Variants in DAB1 observed in about 807,000 individuals in gnomAD.
The protein encoded by DAB1 is DAB adaptor protein 1.
In DAB1, 15 loss-of-function variants were observed where a neutral mutation model predicts 64.6. The ratio of observed to expected loss-of-function variants is 0.23; its 90% confidence interval spans 0.16 to 0.36. The LOEUF is 0.36. Ranked by LOEUF, DAB1 falls within the 10% of genes least tolerant of loss-of-function variation. DAB1 has a pLI of 1.00. For synonymous variants in DAB1, 235 were observed against 251.9 expected, an observed-to-expected ratio of 0.93 and a Z score of 0.64; for missense variants, 596 against 706.7, an observed-to-expected ratio of 0.84 and a Z score of 1.78.
intron 4 of DAB1, among the ~76,000 whole-genome samples, chr1:58,180,788 C>A (rs1288987061): frequency 6.6e-6 from 1 of 152,046 alleles, no homozygotes; most frequent in Non-Finnish European, 1.5e-5. Flanking sequence ...TCCCAAATTT[C>A]TTTCACTTGT....
intron 3 of DAB1, among the ~76,000 whole-genome samples, chr1:58,360,097 G>A (rs1330214424): frequency 6.6e-6 from 1 of 152,128 alleles, no homozygotes; most frequent in Non-Finnish European, 1.5e-5. Context: ...TTCCACCCCT[G>A]CCCTTGAAAA....
chr1:58,414,836 T>C (rs1402570563), intron 3 of DAB1, among the ~76,000 whole-genome samples: 1 of 151,936 alleles, frequency 6.6e-6, no homozygotes, highest in African/African-American at 2.4e-5. Flanking sequence ...TGCTATTCCA[T>C]GATATGGTAA....
intron 6 of DAB1, among the ~76,000 whole-genome samples, chr1:57,753,511 C>T (rs932616366): frequency 3.3e-5 from 5 of 152,176 alleles, no homozygotes; most frequent in African/African-American, 1.2e-4. Context: ...ATTTTGAAAT[C>T]TCTGTTTTCT....
chr1:57,025,329 C>G (rs1013314127), intron 10 of DAB1, among the ~76,000 whole-genome samples: 1 of 152,154 alleles, frequency 6.6e-6, no homozygotes, highest in Non-Finnish European at 1.5e-5. Context: ...AATCTCTGTC[C>G]TTTTGTAAGC....
chr1:57,196,312 G>T (rs1664616089), intron 2 of DAB1, among the ~76,000 whole-genome samples: 1 of 152,228 alleles, frequency 6.6e-6, no homozygotes, highest in Admixed American at 6.5e-5. Flanking sequence ...TTAGCTCAGT[G>T]TAGCCATCCT....
At position 57,355,146 on chromosome 1, in the gene DAB1, G is replaced by A. The variant is rs1481719087; in HGVS notation, c.-136-63980C>T. ...GATACAATCTTGGTCAAAAACCTTT[G>A]ATTTCTTCCTTCCCTCTTTCCCTCT... On this transcript the variant is annotated intron_variant, in intron 1 of 14. Coordinates refer to ENST00000371236, the MANE Select transcript of DAB1 (RefSeq NM_001365792.1). Among the ~76,000 whole-genome samples, 5 of 151,742 alleles carry A rather than the reference G, an allele frequency of 3.3e-5. No homozygotes were observed. In the East Asian group the frequency reaches 9.8e-4, roughly 30 times the overall value.
chr1:58,296,197 G>GAAAT (rs1158841315), intron 4 of DAB1, among the ~76,000 whole-genome samples: 1 of 43,626 alleles, frequency 2.3e-5, no homozygotes, highest in South Asian at 6.0e-4. Context: ...GAAAGAAAGA[G>GAAAT]AAAGAAAGAA....
chr1:58,021,746 T>C (rs565780888), intron 5 of DAB1, among the ~76,000 whole-genome samples: 3 of 152,146 alleles, frequency 2.0e-5, no homozygotes, highest in South Asian at 2.1e-4. Flanking sequence ...GTAGATGTGG[T>C]ATAGGGGAAA....
At chr1:57,343,747 C>T (rs12748450) in intron 1 of DAB1, among the ~76,000 whole-genome samples, 4,122 of 152,346 alleles carry the variant, frequency 0.027, 76 homozygotes, top group South Asian at 0.052. Context: ...CGCGCTGGCC[C>T]GCAAGCACGG....
At chr1:57,821,983 T>C (rs1652142394), downstream of DAB1, among the ~76,000 whole-genome samples, 1 of 152,204 alleles carries the variant, frequency 6.6e-6, no homozygotes, top group South Asian at 2.1e-4. Context: ...GTGAAGAGGC[T>C]GAGGTTCAGC....
intron 6 of DAB1, among the ~76,000 whole-genome samples, chr1:57,808,235 C>G (rs996842367): frequency 2.6e-5 from 4 of 151,332 alleles, no homozygotes; most frequent in African/African-American, 9.7e-5. Context: ...ACCCCTGAGC[C>G]TTTTCACATG....
intron 6 of DAB1, among the ~76,000 whole-genome samples, chr1:57,727,726 C>CTCTTTCCTTCCTTCCTTCCTTCCT (rs1647240017): frequency 7.3e-6 from 1 of 137,022 alleles, no homozygotes. Flanking sequence ...CCTTCCTTCT[C>CTCTTTCCTTCCTTCCTTCCTTCCT]TCCTTCCTTC....
chr1:57,354,100 A>AT (rs1249781699), intron 1 of DAB1, among the ~76,000 whole-genome samples: 1 of 152,042 alleles, frequency 6.6e-6, no homozygotes, highest in Admixed American at 6.6e-5. Flanking sequence ...TAAACGTGAC[A>AT]TTTTTTCACT....
At chr1:58,053,077 A>C (rs1375841552) in intron 5 of DAB1, among the ~76,000 whole-genome samples, 2 of 152,140 alleles carry the variant, frequency 1.3e-5, no homozygotes, top group Non-Finnish European at 2.9e-5. Context: ...GTAAGAACTT[A>C]CTCACTTCCA....
chr1:57,825,062 T>C (rs1357478066), downstream of DAB1, among the ~76,000 whole-genome samples: 2 of 152,216 alleles, frequency 1.3e-5, no homozygotes, highest in African/African-American at 2.4e-5. Context: ...CCACTTCATA[T>C]CCTAGGTCTC....
At chr1:57,202,158 T>C (rs1284237172) in intron 2 of DAB1, among the ~76,000 whole-genome samples, 1 of 152,214 alleles carries the variant, frequency 6.6e-6, no homozygotes, top group Non-Finnish European at 1.5e-5. Context: ...CTCATCCTTG[T>C]TTCATTACTG....
chr1:57,223,023 G>C (rs1268982543), intron 2 of DAB1, among the ~76,000 whole-genome samples: 1 of 152,160 alleles, frequency 6.6e-6, no homozygotes, highest in Non-Finnish European at 1.5e-5. Flanking sequence ...GCCCTGCAGA[G>C]TTCCTTCCAG....
At chr1:57,061,763 C>T (rs1021524122) in intron 9 of DAB1, among the ~76,000 whole-genome samples, 1 of 152,186 alleles carries the variant, frequency 6.6e-6, no homozygotes, top group Non-Finnish European at 1.5e-5. Context: ...TTCACATCCC[C>T]TTGTTAATCT....
intron 14 of DAB1, among the ~76,000 whole-genome samples, chr1:57,000,610 T>C (rs919250068): frequency 6.6e-6 from 1 of 152,214 alleles, no homozygotes; most frequent in African/African-American, 2.4e-5. Flanking sequence ...CATGTAACTT[T>C]ATTGTGTGTT....
Sources: allele counts gnomAD v4.1 joint callset (sites outside exome capture counted in the v4.1 genomes callset), GRCh38; gene constraint gnomAD v4.1.1; transcripts MANE v1.5; gene names NCBI Gene and HGNC (gene_info 2026-07-23, HGNC 2026-07-21).